GPD1L: variants seen among roughly 807,000 people sequenced by gnomAD.
GPD1L encodes glycerol-3-phosphate dehydrogenase 1-like protein.
In GPD1L, 17 loss-of-function variants were observed where a neutral mutation model predicts 32.9. The observed-to-expected ratio is 0.52, with a 90% confidence interval of 0.35 to 0.78. GPD1L has a LOEUF of 0.78. Among genes scored for constraint, GPD1L ranks in the 30% least tolerant of loss-of-function variants. The pLI, the probability that GPD1L is intolerant of heterozygous loss-of-function variation, is 0.01. For synonymous variants in GPD1L, 187 were observed against 165.9 expected, an observed-to-expected ratio of 1.13 and a Z score of -0.98; for missense variants, 361 against 447.8, an observed-to-expected ratio of 0.81 and a Z score of 1.75.
At chr3:32,152,995 G>T (rs766546822) in intron 5 of GPD1L, among the ~76,000 whole-genome samples, 3 of 152,272 alleles carry the variant, frequency 2.0e-5, no homozygotes, top group African/African-American at 7.2e-5. Flanking sequence ...TCATTTTGGG[G>T]ATCTTTTTTC....
At chr3:32,161,807 G>C (rs1701077074) in intron 7 of GPD1L, among the ~76,000 whole-genome samples, 1 of 152,220 alleles carries the variant, frequency 6.6e-6, no homozygotes, top group Non-Finnish European at 1.5e-5. Context: ...GGCTCCACCT[G>C]TGCTTAATAA....
chr3:32,129,044 AAT>A (rs1295213243), intron 2 of GPD1L, among the ~76,000 whole-genome samples: 1 of 152,212 alleles, frequency 6.6e-6, no homozygotes, highest in African/African-American at 2.4e-5. Flanking sequence ...GGAAGAAAGA[AAT>A]GAGCTTGGGG....
chr3:32,132,584 T>C (rs149771273), intron 2 of GPD1L, among the ~76,000 whole-genome samples: 2 of 152,308 alleles, frequency 1.3e-5, no homozygotes, highest in African/African-American at 4.8e-5. Flanking sequence ...TTGATTTCAT[T>C]AGAGGAGTAG....
chr3:32,122,436 A>G (rs1272425407), intron 1 of GPD1L, among the ~76,000 whole-genome samples: 2 of 152,194 alleles, frequency 1.3e-5, no homozygotes, highest in Non-Finnish European at 2.9e-5. Flanking sequence ...GATTTTTTAA[A>G]TGAAATCTTA....
At chr3:32,120,186 C>T (rs556730966) in intron 1 of GPD1L, among the ~76,000 whole-genome samples, 18 of 152,046 alleles carry the variant, frequency 1.2e-4, no homozygotes, top group African/African-American at 3.6e-4. Context: ...GGTGTGGTGG[C>T]GCGTGCCTGT....
At chr3:32,164,934 G>A (rs1442204195) in intron 7 of GPD1L, among the ~76,000 whole-genome samples, 11 of 152,268 alleles carry the variant, frequency 7.2e-5, no homozygotes, top group African/African-American at 2.4e-4. Flanking sequence ...GGGCCGGCGC[G>A]GTGGCTCACG....
intron 3 of GPD1L, 72 bp downstream of exon 3, chr3:32,138,799 T>G (rs879420060): frequency 5.4e-6 from 8 of 1,485,040 alleles, no homozygotes; most frequent in African/African-American, 1.4e-5. Context: ...CACTTTCATC[T>G]GCTTGAGATT....
chr3:32,129,286 C>T (rs1194852442), intron 2 of GPD1L, among the ~76,000 whole-genome samples: 4 of 152,292 alleles, frequency 2.6e-5, no homozygotes, highest in Non-Finnish European at 5.9e-5. Context: ...GCATGCAAAG[C>T]ACCGTGTTGG....
chr3:32,144,459 C>G (rs1700791481), intron 4 of GPD1L, among the ~76,000 whole-genome samples: 1 of 152,198 alleles, frequency 6.6e-6, no homozygotes, highest in South Asian at 2.1e-4. Flanking sequence ...TGTAAGCACA[C>G]AAACACATAT....
rs527964864 is a variant in GPD1L, at chr3:32,114,867, G to A, written c.47+8109G>A. Among the ~76,000 whole-genome samples the A allele has an allele frequency of 4.6e-5, 7 of 152,080 alleles. No homozygotes were observed. The East Asian group carries it at 1.4e-3, about 29-fold the overall frequency. ...GTGAGTGTTACAGCTCTTAAAGGTG[G>A]CGCGTTCAGAGTTGTTTGTTCCTCC... On this transcript the variant is annotated intron_variant, in intron 1 of 7. Transcript: ENST00000282541.
At chr3:32,157,579 G>A (rs141318682) in intron 5 of GPD1L, among the ~76,000 whole-genome samples, 11 of 152,240 alleles carry the variant, frequency 7.2e-5, no homozygotes, top group African/African-American at 1.2e-4. Flanking sequence ...CTGTTGAAAC[G>A]GAATTTCAGA....
chr3:32,127,858 C>T (rs1227182864), intron 1 of GPD1L, among the ~76,000 whole-genome samples: 1 of 152,126 alleles, frequency 6.6e-6, no homozygotes, highest in Non-Finnish European at 1.5e-5. Context: ...GCATTTTGAC[C>T]TTAAGCCAAA....
intron 5 of GPD1L, among the ~76,000 whole-genome samples, chr3:32,152,294 T>C (rs183585993): frequency 6.6e-6 from 1 of 151,710 alleles, no homozygotes; most frequent in East Asian, 1.9e-4. Context: ...ATGACAATTC[T>C]ATTCTATAGA....
At chr3:32,144,622 G>A (rs1432044957) in intron 4 of GPD1L, among the ~76,000 whole-genome samples, 2 of 152,114 alleles carry the variant, frequency 1.3e-5, no homozygotes, top group Admixed American at 1.3e-4. Flanking sequence ...GGCATTAGCT[G>A]TTCTGTACAG....
At chr3:32,133,401 G>A (rs576174116) in intron 2 of GPD1L, among the ~76,000 whole-genome samples, 1 of 151,936 alleles carries the variant, frequency 6.6e-6, no homozygotes, top group Non-Finnish European at 1.5e-5. Flanking sequence ...GATTTTAGGG[G>A]GAAAAGTCTT....
intron 5 of GPD1L, among the ~76,000 whole-genome samples, chr3:32,150,623 A>T (rs182471884): frequency 6.6e-6 from 1 of 151,922 alleles, no homozygotes; most frequent in Admixed American, 6.6e-5. Context: ...AGTAGCTGGG[A>T]TTACAGGTGC....
chr3:32,158,772 A>G lies in GPD1L; in HGVS notation c.619-104A>G, dbSNP rs538696684. ...CATTGAGTATTTTGAAGATGGAGCC[A>G]ATGTCCCTGGTCTGCCCCTGCCTCG... On this transcript the variant is annotated intron_variant, in intron 5 of 7. Coordinates refer to ENST00000282541, the MANE Select transcript of GPD1L (RefSeq NM_015141.4). 5 of 1,545,748 alleles carry G rather than the reference A, an allele frequency of 3.2e-6. No homozygotes were observed. In the East Asian group the frequency reaches 9.8e-5, roughly 30 times the overall value.
chr3:32,127,948 G>C lies in GPD1L; in HGVS notation c.48-128G>C. 5.4e-6 allele frequency: 4 copies of C among 735,430 alleles called. No individual in the cohort carries two copies. In the East Asian group the frequency reaches 8.1e-5, roughly 15 times the overall value. The allele number at this position is 735,430 out of a possible 1,614,324, so 45.6% of individuals were successfully genotyped here. On this transcript the variant is annotated intron_variant, in intron 1 of 7. Coordinates refer to ENST00000282541, the MANE Select transcript of GPD1L (RefSeq NM_015141.4). ...TTCAAATGGCTTGGGGCTGATACAC[G>C]TCACATCTTGAGTAGGCTCAGTGTT...
chr3:32,158,109 C>T (rs1403351825), intron 5 of GPD1L, among the ~76,000 whole-genome samples: 2 of 152,066 alleles, frequency 1.3e-5, no homozygotes, highest in Admixed American at 1.3e-4. Flanking sequence ...TTGTCATGGC[C>T]CCAAACTGGA....
Sources: gnomAD v4.1 joint callset for allele counts (sites outside exome capture counted in the v4.1 genomes callset) on GRCh38, gnomAD v4.1.1 for gene constraint, MANE v1.5 for transcripts, NCBI Gene and HGNC (gene_info 2026-07-23, HGNC 2026-07-21) for gene names.